Variants in PJVK observed in about 807,000 individuals in gnomAD.
PJVK encodes the protein autosomal recessive deafness type 59 protein.
In PJVK, 33 loss-of-function variants were observed where a neutral mutation model predicts 37.6. That is an observed-to-expected ratio of 0.88 (90% CI 0.67 to 1.17). The LOEUF is 1.17. Among genes scored for constraint, PJVK ranks in the 50% most tolerant of loss-of-function variants. The pLI is 0.00. For synonymous variants in PJVK, 141 were observed against 143.5 expected, an observed-to-expected ratio of 0.98 and a Z score of 0.13; for missense variants, 410 against 413.8, an observed-to-expected ratio of 0.99 and a Z score of 0.08.
At chr2:178,452,814 C>T (rs997283039) in intron 1 of PJVK, 2 of 178,960 alleles carry the variant, frequency 1.1e-5, no homozygotes, top group Non-Finnish European at 1.1e-5. Flanking sequence ...TTGTTTATAT[C>T]TGTGAATTTA....
At chr2:178,460,073 G>A (rs1478964129) in intron 5 of PJVK, 3 of 391,544 alleles carry the variant, frequency 7.7e-6, no homozygotes, top group Non-Finnish European at 1.4e-5. Flanking sequence ...GAGTATTTCT[G>A]GAAGCAAACA....
rs149371574 is a variant in PJVK at position 178,453,031 on chromosome 2, C to A, written c.-22-357C>A. 491 of 262,582 alleles carry A rather than the reference C, an allele frequency of 1.9e-3. 2 individuals carry two copies. Among genetic ancestry groups the A allele is most frequent in the Non-Finnish European group, 2.9e-3 (389 of 133,154 alleles). The allele number at this position is 262,582 out of a possible 1,614,324, so 16.3% of individuals were successfully genotyped here. On this transcript the variant is annotated intron_variant, in intron 1 of 6. Transcript: ENST00000644580. ...CGTTAGTGCCTAAATTGCATTGCTT[C>A]CCACAGCACTATATGCTTCCCTTAA... is the stretch of plus-strand genomic sequence containing the variant.
chr2:178,451,913 G>GT, intron 1 of PJVK, 144 bp downstream of exon 1: 3 of 909,158 alleles, frequency 3.3e-6, no homozygotes, highest in East Asian at 1.2e-4. Context: ...GGGCTTGCTA[G>GT]GCACTAGCAG....
chr2:178,458,722 C>G (rs964652883), intron 5 of PJVK, 95 bp downstream of exon 5: 1 of 1,035,332 alleles, frequency 9.7e-7, no homozygotes, highest in Non-Finnish European at 1.5e-6. Context: ...TCTCATTTCT[C>G]GTGTCTAACA....
At position 178,461,128 on chromosome 2, in the gene PJVK, C is replaced by T. The variant is rs1684484225; in HGVS notation, c.913C>T (p.Pro305Ser). The T allele has an allele frequency of 6.2e-7, 1 of 1,614,004 alleles. No individual in the cohort carries two copies. The highest frequency in any genetic ancestry group is 1.3e-5 in the African/African-American group (1 of 74,912). The stretch of plus-strand genomic sequence containing the variant: ...AGTTAACTTACTTAATCACAACATT[C>T]CCAAAGGGCCTTGCATACTCTGTGG... ...IRVNLLNHNI[P>S]KGPCILCGMG... The change falls in exon 7 of 7, where the codon CCC (proline) becomes TCC (serine). Residue 305 changes from proline (P) to serine (S), a missense_variant. Pro to Ser is a moderately conservative substitution (Grantham distance 74, BLOSUM62 -1). Transcript: ENST00000644580.
Position 178,461,325 on chromosome 2 carries a change from A to G in PJVK, c.*51A>G, listed in dbSNP as rs774196478. ...GTGTTTTAGGTGCAGTTGTGCCACA[A>G]ACCTTCCCTAAATTATCTAGGTTTG... is the stretch of plus-strand genomic sequence containing the variant. On this transcript the variant is annotated 3_prime_UTR_variant, in exon 7 of 7. Transcript: ENST00000644580. 7 of 1,597,380 alleles carry G rather than the reference A, an allele frequency of 4.4e-6. No homozygotes were observed. In the Middle Eastern group the frequency reaches 5.0e-4, roughly 113 times the overall value.
chr2:178,454,548 A>G (rs1697932134), intron 3 of PJVK, 21 bp downstream of exon 3: 7 of 1,604,496 alleles, frequency 4.4e-6, no homozygotes, highest in Non-Finnish European at 5.1e-6. Flanking sequence ...TAATCCTAAT[A>G]TATTTCAGTG....
Position 178,453,463 on chromosome 2 carries a change from A to T in PJVK, c.54A>T (p.Arg18Ser), listed in dbSNP as rs1190093022. Residue 18 changes from arginine (R) to serine (S), a missense_variant, in exon 2 of 7, where the codon AGA (arginine) becomes AGT (serine). Transcript: ENST00000644580. ...TCAAGCAAGTTGGAGATGGAGGGAG[A>T]TTAGTTCCTGTTCCAAGCCTCAGTG... ...SFVKQVGDGG[R>S]LVPVPSLSEA... is the part of the protein sequence containing the mutation. 2 of 1,614,138 alleles carry T rather than the reference A, an allele frequency of 1.2e-6. No individual in the cohort carries two copies. The highest frequency in any genetic ancestry group is 4.5e-5 in the East Asian group (2 of 44,876).
intron 3 of PJVK, chr2:178,455,070 G>A (rs1433029475): frequency 2.0e-6 from 3 of 1,486,294 alleles, no homozygotes; most frequent in Non-Finnish European, 2.8e-6. Context: ...GGGCTCAAGG[G>A]GCAGCCAGCG....
rs1684515578 is a variant in PJVK, at chr2:178,461,623, C to T, written c.*349C>T. ...TTTTTGAGACAGAGCCTTGCTCCGT[C>T]ACCCAGGCTGGAGTACAGTGGCATG... On this transcript the variant is annotated 3_prime_UTR_variant, in exon 7 of 7. Transcript: ENST00000644580. 1.4e-5 allele frequency among the ~76,000 whole-genome samples: 2 copies of T among 138,160 alleles called. No homozygotes were observed. The highest frequency in any genetic ancestry group is 2.8e-5 in the African/African-American group (1 of 36,068). The allele number at this position is 138,160 out of a possible 152,430, so 90.6% of individuals were successfully genotyped here. A position where few individuals can be genotyped will look rare whatever the true frequency, so the allele number is the denominator to read the frequency against.
In PJVK at chr2:178,454,396, A is replaced by C. The variant is rs1314134864; in HGVS notation, c.276A>C (p.Arg92=). 18 of 1,613,886 alleles carry C rather than the reference A, an allele frequency of 1.1e-5. No homozygotes were observed. Among genetic ancestry groups the C allele is most frequent in the Non-Finnish European group, 1.4e-5 (17 of 1,179,954 alleles). ...CAGATGTTTCACTCTATGGAAGGCG[A>C]GGTAACCATATTGTAAATGACGTTG... ...DESDVSLYGR[R]GNHIVNDVGI... The change falls in exon 3 of 7, where the codon CGA becomes CGC. Residue 92 remains arginine (R), a synonymous_variant. Coordinates refer to ENST00000644580, the MANE Select transcript of PJVK (RefSeq NM_001042702.5).
rs1221210463 is a variant in PJVK at position 178,461,148 on chromosome 2, C to A, written c.933C>A (p.Leu311=). 6.2e-7 allele frequency: 1 copy of A among 1,614,162 alleles called. No individual in the cohort carries two copies. Among genetic ancestry groups the A allele is most frequent in the South Asian group, 1.1e-5 (1 of 91,084 alleles). ...NHNIPKGPCI[L]CGMGNFKRET... ...ACATTCCCAAAGGGCCTTGCATACT[C>A]TGTGGAATGGGGAACTTCAAAAGGG... The change falls in exon 7 of 7, where the codon CTC becomes CTA. Residue 311 remains leucine (L), a synonymous_variant. Transcript: ENST00000644580.
intron 4 of PJVK, among the ~76,000 whole-genome samples, chr2:178,457,476 T>C (rs1684190883): frequency 6.6e-6 from 1 of 152,096 alleles, no homozygotes; most frequent in Non-Finnish European, 1.5e-5. Flanking sequence ...ATTAGCTGGT[T>C]GTGGTGGCAC....
chr2:178,455,532 A>G, intron 3 of PJVK: 2 of 750,938 alleles, frequency 2.7e-6, no homozygotes, highest in South Asian at 2.8e-5. Flanking sequence ...TGGGGCAGGC[A>G]TGGGACTGGC....
chr2:178,453,657 C>A (rs761103049), intron 2 of PJVK, 37 bp downstream of exon 2: 1 of 1,552,104 alleles, frequency 6.4e-7, no homozygotes, highest in Admixed American at 1.8e-5. Context: ...ACTCATTCAT[C>A]TGTATTATTG....
intron 5 of PJVK, chr2:178,459,176 G>A (rs1426530367): frequency 4.2e-6 from 2 of 472,002 alleles, no homozygotes; most frequent in East Asian, 6.9e-5. Context: ...CTCACTTTAG[G>A]TCTCTACATT....
rs1322729722 is a variant in PJVK at position 178,460,386 on chromosome 2, A to G, written c.706A>G (p.Arg236Gly). ...TTCAGTGTCAAAAGGAGGATTTGAA[A>G]GGGAAGAAACGGCAACATTTGCACT... ...VTSVSKGGFEREETATFALLY... is the reference protein window; with the variant it reads ...VTSVSKGGFEGEETATFALLY... The change falls in exon 6 of 7, where the codon AGG becomes GGG. Residue 236 changes from arginine to glycine, a missense_variant. Arg to Gly is a moderately radical substitution (Grantham distance 125, BLOSUM62 -2). Transcript: ENST00000644580. 1 of 1,614,156 alleles carries G rather than the reference A, an allele frequency of 6.2e-7. No homozygotes were observed. Among genetic ancestry groups the G allele is most frequent in the Non-Finnish European group, 8.5e-7 (1 of 1,179,990 alleles).
rs1372829563 is a variant in PJVK at position 178,460,966 on chromosome 2, G to A, written c.767-16G>A. On this transcript the variant is annotated splice_polypyrimidine_tract_variant and intron_variant, in intron 6 of 6. Coordinates refer to ENST00000644580, the MANE Select transcript of PJVK (RefSeq NM_001042702.5). ...TTCACTTCTAACACATTTCTTTTCTGTTTTTGTCCTTTTAGATAGAAGAGT... is the reference window on the plus strand; with the variant it reads ...TTCACTTCTAACACATTTCTTTTCTATTTTTGTCCTTTTAGATAGAAGAGT... The A allele has an allele frequency of 6.2e-7, 1 of 1,602,980 alleles. No individual in the cohort carries two copies. Among genetic ancestry groups the A allele is most frequent in the South Asian group, 1.1e-5 (1 of 90,584 alleles).
chr2:178,458,787 G>A (rs915287950), intron 5 of PJVK, among the ~76,000 whole-genome samples, 160 bp downstream of exon 5: 1 of 152,164 alleles, frequency 6.6e-6, no homozygotes, highest in Non-Finnish European at 1.5e-5. Context: ...AAATAGCTGA[G>A]AAAGACCCTC....
Sources: allele counts gnomAD v4.1 joint callset (sites outside exome capture counted in the v4.1 genomes callset), GRCh38; gene constraint gnomAD v4.1.1; transcripts MANE v1.5; gene names NCBI Gene and HGNC (gene_info 2026-07-23, HGNC 2026-07-21).